Variants in MYO3A observed in about 807,000 individuals in gnomAD.
The protein encoded by MYO3A is myosin-IIIa.
A neutral mutation model predicts 192.7 loss-of-function variants in MYO3A; 180 were observed. The ratio of observed to expected loss-of-function variants is 0.93; its 90% CI spans 0.83 to 1.06. The LOEUF is 1.06. Ranked by LOEUF, MYO3A falls within the 50% of genes least tolerant of loss-of-function variation. MYO3A has a pLI of 0.00. For missense variants in MYO3A, 1,896 were observed against 1,905.0 expected, an observed-to-expected ratio of 1.00 and a Z score of 0.09; for synonymous variants, 628 against 645.3, an observed-to-expected ratio of 0.97 and a Z score of 0.41.
At chr10:26,065,758 G>C (rs988897439) in intron 10 of MYO3A, among the ~76,000 whole-genome samples, 2 of 152,032 alleles carry the variant, frequency 1.3e-5, no homozygotes, top group African/African-American at 4.8e-5. Flanking sequence ...GTAGGAATGA[G>C]AGAAAAAGCA....
intron 10 of MYO3A, among the ~76,000 whole-genome samples, chr10:26,050,813 GC>G (rs1354960531): frequency 6.6e-6 from 1 of 151,968 alleles, no homozygotes; most frequent in Non-Finnish European, 1.5e-5. Context: ...CTCTCACCCA[GC>G]CCAGAGCCAC....
intron 15 of MYO3A, among the ~76,000 whole-genome samples, chr10:26,092,457 C>T (rs1836759454): frequency 2.3e-5 from 3 of 129,464 alleles, no homozygotes; most frequent in East Asian, 2.0e-4. Context: ...CACAGCAAGA[C>T]TCTGTCTCAA....
intron 33 of MYO3A, among the ~76,000 whole-genome samples, chr10:26,201,750 A>G (rs1016268984): frequency 2.0e-5 from 3 of 152,128 alleles, no homozygotes; most frequent in African/African-American, 7.2e-5. Flanking sequence ...ATGTGCACCC[A>G]ATACATTTAC....
chr10:26,080,583 A>AT (rs1342039883), intron 14 of MYO3A, among the ~76,000 whole-genome samples: 1 of 31,362 alleles, frequency 3.2e-5, no homozygotes, highest in Non-Finnish European at 5.5e-5. Context: ...AACTAGTGTA[A>AT]TTTTTTTGGG....
At chr10:26,106,436 T>C (rs867667533) in intron 17 of MYO3A, among the ~76,000 whole-genome samples, 24 of 152,232 alleles carry the variant, frequency 1.6e-4, no homozygotes, top group Middle Eastern at 3.4e-3. Context: ...TTTTGAGATA[T>C]ATAATCATGT....
chr10:26,018,102 G>A (rs2131056215), intron 7 of MYO3A, among the ~76,000 whole-genome samples: 1 of 151,066 alleles, frequency 6.6e-6, no homozygotes, highest in South Asian at 2.1e-4. Context: ...TTTCCATTTA[G>A]TAAAAACACT....
intron 10 of MYO3A, among the ~76,000 whole-genome samples, chr10:26,044,454 C>T (rs1190833963): frequency 6.6e-6 from 1 of 152,158 alleles, no homozygotes; most frequent in Non-Finnish European, 1.5e-5. Flanking sequence ...CAAATTCTGA[C>T]CACGGGGATG....
chr10:26,210,464 A>G (rs1049950699), intron 34 of MYO3A, among the ~76,000 whole-genome samples: 11 of 152,116 alleles, frequency 7.2e-5, no homozygotes, highest in Admixed American at 2.0e-4. Flanking sequence ...TTTCAGTTCT[A>G]CTTCCAAGTA....
Position 26,063,610 on chromosome 10 carries a change from A to C in MYO3A, c.954-3365A>C, listed in dbSNP as rs575388674. ...GTAAAGGGTATAAGGCCAGCACACA[A>C]ATGAATGACTGAAATGACATTTAAC... On this transcript the variant is annotated intron_variant, in intron 10 of 34. Transcript: ENST00000642920. Among the ~76,000 whole-genome samples the C allele has an allele frequency of 1.4e-4, 21 of 152,330 alleles. No individual in the cohort carries two copies. The South Asian group carries it at 4.4e-3, about 32-fold the overall frequency.
intron 25 of MYO3A, among the ~76,000 whole-genome samples, chr10:26,155,451 A>G (rs1841060407): frequency 6.6e-6 from 1 of 152,098 alleles, no homozygotes; most frequent in South Asian, 2.1e-4. Flanking sequence ...GTTCTTGTTT[A>G]CCTATTCTGA....
At chr10:26,157,889 G>A (rs1290325036) in intron 26 of MYO3A, among the ~76,000 whole-genome samples, 2 of 152,156 alleles carry the variant, frequency 1.3e-5, no homozygotes, top group African/African-American at 4.8e-5. Flanking sequence ...GACATTTCTG[G>A]TTGTCACATC....
intron 17 of MYO3A, among the ~76,000 whole-genome samples, chr10:26,097,921 G>A (rs1191302710): frequency 6.6e-6 from 1 of 152,142 alleles, no homozygotes; most frequent in Non-Finnish European, 1.5e-5. Context: ...AATCCTTTGG[G>A]TATATACCCA....
At chr10:26,055,465 C>T (rs570610242) in intron 10 of MYO3A, among the ~76,000 whole-genome samples, 1 of 152,136 alleles carries the variant, frequency 6.6e-6, no homozygotes, top group African/African-American at 2.4e-5. Flanking sequence ...CAAGCAGAGA[C>T]ATCCAAGGGA....
intron 17 of MYO3A, among the ~76,000 whole-genome samples, chr10:26,100,252 G>C (rs1048770792): frequency 6.6e-6 from 1 of 151,990 alleles, no homozygotes; most frequent in Non-Finnish European, 1.5e-5. Flanking sequence ...TGATGGTGGT[G>C]TCCCCTTTAT....
intron 4 of MYO3A, among the ~76,000 whole-genome samples, chr10:25,987,875 C>A (rs1414127427): frequency 6.6e-6 from 1 of 152,142 alleles, no homozygotes; most frequent in Non-Finnish European, 1.5e-5. Flanking sequence ...AAAAAGAAAT[C>A]ACTATATGAA....
chr10:26,008,812 CAG>C (rs1841414453), intron 6 of MYO3A, among the ~76,000 whole-genome samples: 1 of 151,950 alleles, frequency 6.6e-6, no homozygotes, highest in Non-Finnish European at 1.5e-5. Flanking sequence ...TTGTGGAAGT[CAG>C]TGTGGCGATT....
chr10:26,205,608 C>CTTTT lies in MYO3A; in HGVS notation c.4730+2524_4730+2527dup, dbSNP rs576007724. Among the ~76,000 whole-genome samples, 96 of 68,628 alleles carry CTTTT rather than the reference C, an allele frequency of 1.4e-3. 1 individual carries two copies. Among genetic ancestry groups the CTTTT allele is most frequent in the African/African-American group, 3.1e-3 (48 of 15,576 alleles). The allele number at this position is 68,628 out of a possible 152,430, so 45.0% of individuals were successfully genotyped here. A position where few individuals can be genotyped will look rare whatever the true frequency, so the allele number is the denominator to read the frequency against. On this transcript the variant is annotated intron_variant, in intron 34 of 34. Coordinates refer to ENST00000642920, the MANE Select transcript of MYO3A (RefSeq NM_017433.5). ...AAAATGGCAGGATTTCTTTTCTTTT[C>CTTTT]TTTTTTTTTTTTTTTTTTTTTTTTT... is the stretch of plus-strand genomic sequence containing the variant.
intron 3 of MYO3A, among the ~76,000 whole-genome samples, chr10:25,952,581 C>T (rs1402544079): frequency 6.6e-6 from 1 of 152,092 alleles, no homozygotes; most frequent in African/African-American, 2.4e-5. Flanking sequence ...TGTAAAGATA[C>T]AAACTCAGGG....
intron 4 of MYO3A, among the ~76,000 whole-genome samples, chr10:25,970,411 A>G (rs1394826130): frequency 1.3e-5 from 2 of 152,078 alleles, no homozygotes; most frequent in Non-Finnish European, 2.9e-5. Flanking sequence ...TGGAAATGCA[A>G]CATATCAAAT....
Sources: gnomAD v4.1 joint callset for allele counts (sites outside exome capture counted in the v4.1 genomes callset) on GRCh38, gnomAD v4.1.1 for gene constraint, MANE v1.5 for transcripts, NCBI Gene and HGNC (gene_info 2026-07-23, HGNC 2026-07-21) for gene names.